MOB1B: variants seen among roughly 807,000 people sequenced by gnomAD.
The protein encoded by MOB1B is MOB1 Mps One Binder homolog B.
In MOB1B, 19 loss-of-function variants were observed where a neutral mutation model predicts 24.4. The observed-to-expected ratio is 0.78, with a 90% confidence interval of 0.54 to 1.14. MOB1B has a LOEUF of 1.14. Among genes scored for constraint, MOB1B ranks in the 50% most tolerant of loss-of-function variants. MOB1B has a pLI of 0.00. For missense variants in MOB1B, 243 were observed against 259.6 expected (o/e 0.94, Z 0.44); for synonymous variants, 76 against 82.1 (o/e 0.93, Z 0.40).
chr4:70,934,239 A>G (rs1016768591), intron 1 of MOB1B, among the ~76,000 whole-genome samples: 1 of 145,936 alleles, frequency 6.9e-6, no homozygotes, highest in Non-Finnish European at 1.5e-5. Context: ...CATGTACCAC[A>G]TGTGCCTGGC....
intron 1 of MOB1B, among the ~76,000 whole-genome samples, chr4:70,910,726 A>G (rs2148867192): frequency 6.6e-6 from 1 of 152,286 alleles, no homozygotes; most frequent in Admixed American, 6.5e-5. Context: ...GAAAATAAAA[A>G]TCACTCATAA....
intron 4 of MOB1B, among the ~76,000 whole-genome samples, chr4:70,977,128 C>G (rs1739039034): frequency 6.6e-6 from 1 of 152,058 alleles, no homozygotes; most frequent in African/African-American, 2.4e-5. Context: ...GAAATTTATA[C>G]TGATGCTATA....
At chr4:70,930,610 T>C (rs1198190100) in intron 1 of MOB1B, among the ~76,000 whole-genome samples, 1 of 152,234 alleles carries the variant, frequency 6.6e-6, no homozygotes, top group Non-Finnish European at 1.5e-5. Flanking sequence ...CTACCTTTTT[T>C]TATTAGTAAA....
chr4:70,920,558 T>C (rs13134794), intron 1 of MOB1B, among the ~76,000 whole-genome samples: 152,228 of 152,332 alleles, frequency 1, 76,062 homozygotes, highest in Non-Finnish European at 1. Context: ...TAAAACTTTA[T>C]GGAGGAGATA....
chr4:70,976,178 T>C, intron 4 of MOB1B: 1 of 983,946 alleles, frequency 1.0e-6, no homozygotes, highest in Non-Finnish European at 1.2e-6. Flanking sequence ...CTGGGAACCC[T>C]CTCTATAATT....
intron 1 of MOB1B, among the ~76,000 whole-genome samples, chr4:70,955,464 C>CTTTTTT (rs36054184): frequency 2.2e-5 from 2 of 89,332 alleles, no homozygotes; most frequent in African/African-American, 4.6e-5. Flanking sequence ...AGTATGTGTC[C>CTTTTTT]TTTTTTTTTT....
At chr4:70,941,764 T>G (rs1396653445) in intron 1 of MOB1B, among the ~76,000 whole-genome samples, 1 of 152,214 alleles carries the variant, frequency 6.6e-6, no homozygotes, top group Non-Finnish European at 1.5e-5. Flanking sequence ...CATTCGAACA[T>G]TCAAATGCTA....
chr4:70,961,305 A>G (rs1352380305), intron 2 of MOB1B, among the ~76,000 whole-genome samples: 2 of 152,184 alleles, frequency 1.3e-5, no homozygotes, highest in African/African-American at 4.8e-5. Context: ...TGGCTACTAT[A>G]GGTGATTAAT....
At chr4:70,933,709 G>T (rs1736974191) in intron 1 of MOB1B, among the ~76,000 whole-genome samples, 1 of 151,676 alleles carries the variant, frequency 6.6e-6, no homozygotes, top group Non-Finnish European at 1.5e-5. Flanking sequence ...CCGCTACCAC[G>T]CCTGGCTAAT....
At chr4:70,905,047 A>G (rs72852927) in intron 1 of MOB1B, among the ~76,000 whole-genome samples, 4,246 of 152,272 alleles carry the variant, frequency 0.028, 197 homozygotes, top group African/African-American at 0.095. Context: ...CAGTTGATAT[A>G]TTCTCAACAT....
chr4:70,975,094 T>C (rs1329945930), intron 3 of MOB1B, 59 bp from the exon 4 acceptor site: 4 of 1,279,646 alleles, frequency 3.1e-6, no homozygotes, highest in South Asian at 2.1e-5. Flanking sequence ...ACATAAAATA[T>C]ATACACTGTG....
intron 2 of MOB1B, among the ~76,000 whole-genome samples, chr4:70,966,389 T>G (rs916419230): frequency 2.6e-5 from 4 of 151,778 alleles, no homozygotes; most frequent in African/African-American, 9.7e-5. Flanking sequence ...TTTTTTTTTT[T>G]TTGAGGCGGA....
chr4:70,919,030 T>A (rs577882395), intron 1 of MOB1B, among the ~76,000 whole-genome samples: 8 of 151,900 alleles, frequency 5.3e-5, no homozygotes, highest in Admixed American at 3.3e-4. Context: ...AAATTGGAAA[T>A]CATCATTCTC....
At chr4:70,949,110 A>G (rs1365621397) in intron 1 of MOB1B, among the ~76,000 whole-genome samples, 2 of 152,186 alleles carry the variant, frequency 1.3e-5, no homozygotes, top group African/African-American at 2.4e-5. Context: ...TATCTATGCT[A>G]GGTTTTCTCA....
intron 1 of MOB1B, chr4:70,942,980 G>A (rs1006227347): frequency 3.3e-4 from 64 of 191,466 alleles, no homozygotes; most frequent in Non-Finnish European, 5.8e-4. Flanking sequence ...GGTTCGGGGA[G>A]TTCATTGCTA....
intron 1 of MOB1B, 52 bp downstream of exon 1, chr4:70,902,602 CCCGCCCG>C (rs373267974): frequency 0.018 from 27,596 of 1,498,742 alleles, 1,012 homozygotes; most frequent in African/African-American, 0.15. Flanking sequence ...GACCTGGGCC[CCCGCCCG>C]CCGCCCGCCG....
chr4:70,932,375 C>CA (rs1415963452), intron 1 of MOB1B, among the ~76,000 whole-genome samples: 12 of 152,108 alleles, frequency 7.9e-5, no homozygotes, highest in African/African-American at 2.9e-4. Context: ...GATCCAACAG[C>CA]AAAAATCAAG....
rs550060016 is a variant in MOB1B, at chr4:70,986,762, A to G, written c.*4705A>G. The G allele has an allele frequency of 6.6e-6, 1 of 152,310 alleles. No individual in the cohort carries two copies. Among genetic ancestry groups the G allele is most frequent in the African/African-American group, 2.4e-5 (1 of 41,588 alleles). The allele number at this position is 152,310 out of a possible 1,614,324, so 9.4% of individuals were successfully genotyped here. ...ATGATAAATGTTTAGCAGTAAAGCT[A>G]TCTTAAGATTTAATGGAAAAGTTTA... On this transcript the variant is annotated 3_prime_UTR_variant, in exon 6 of 6. Coordinates refer to ENST00000309395, the MANE Select transcript of MOB1B (RefSeq NM_173468.4).
At chr4:70,934,609 A>T (rs1737012490) in intron 1 of MOB1B, among the ~76,000 whole-genome samples, 1 of 151,544 alleles carries the variant, frequency 6.6e-6, no homozygotes, top group African/African-American at 2.4e-5. Context: ...GACTGCCACC[A>T]TGCTTGGCTA....
Sources: allele counts gnomAD v4.1 joint callset (sites outside exome capture counted in the v4.1 genomes callset), GRCh38; gene constraint gnomAD v4.1.1; transcripts MANE v1.5; gene names NCBI Gene and HGNC (gene_info 2026-07-23, HGNC 2026-07-21).